LARGE1: variants seen among roughly 807,000 people sequenced by gnomAD.
LARGE1 encodes the protein LARGE xylosyl- and glucuronyltransferase 1, also known as xylosyl- and glucuronyltransferase LARGE1.
In LARGE1, 43 loss-of-function variants were observed where a neutral mutation model predicts 87.6. The ratio of observed to expected loss-of-function variants is 0.49; its 90% CI spans 0.38 to 0.63. The LOEUF (loss-of-function observed/expected upper bound fraction) is 0.63. Ranked by LOEUF, LARGE1 falls within the 30% of genes least tolerant of loss-of-function variation. The pLI, the probability that LARGE1 is intolerant of heterozygous loss-of-function variation, is 0.00. For synonymous variants in LARGE1, 434 were observed against 394.6 expected, an observed-to-expected ratio of 1.10 and a Z score of -1.18; for missense variants, 802 against 1,000.2, an observed-to-expected ratio of 0.80 and a Z score of 2.67.
At chr22:33,693,491 A>G (rs2082157163) in intron 2 of LARGE1, among the ~76,000 whole-genome samples, 2 of 152,230 alleles carry the variant, frequency 1.3e-5, no homozygotes, top group South Asian at 4.1e-4. Flanking sequence ...TATATAATTT[A>G]CCAAATTAAA....
intron 2 of LARGE1, among the ~76,000 whole-genome samples, chr22:33,666,621 A>T (rs1206154230): frequency 6.6e-6 from 1 of 152,202 alleles, no homozygotes; most frequent in South Asian, 2.1e-4. Flanking sequence ...CTCAGCTGCC[A>T]GGCTCAGGTC....
chr22:33,276,445 G>A (rs1028312650), intron 14 of LARGE1, among the ~76,000 whole-genome samples: 12 of 152,208 alleles, frequency 7.9e-5, no homozygotes, highest in African/African-American at 2.9e-4. Context: ...AGACCTGTAG[G>A]TCCCATGAAG....
At chr22:33,495,960 T>C (rs1234193745) in intron 6 of LARGE1, among the ~76,000 whole-genome samples, 1 of 152,086 alleles carries the variant, frequency 6.6e-6, no homozygotes, top group African/African-American at 2.4e-5. Context: ...ACAGAACTAA[T>C]AGGATAGATG....
chr22:33,565,650 T>C (rs4468912), intron 5 of LARGE1, among the ~76,000 whole-genome samples: 35,187 of 74,904 alleles, frequency 0.47, 5,715 homozygotes, highest in African/African-American at 0.66. Context: ...AGTCATCACG[T>C]GACACTCTTC....
chr22:33,110,981 T>C, the LARGE1 span, among the ~76,000 whole-genome samples: 1 of 152,204 alleles, frequency 6.6e-6, no homozygotes, highest in Non-Finnish European at 1.5e-5. Flanking sequence ...AGGAGGCTTA[T>C]ATAAAGATCA....
intron 5 of LARGE1, among the ~76,000 whole-genome samples, chr22:33,601,726 G>A (rs9609843): frequency 0.17 from 26,087 of 152,022 alleles, 2,536 homozygotes; most frequent in African/African-American, 0.27. Flanking sequence ...TGAAGTCTTC[G>A]ATAGTAGACA....
chr22:33,287,954 C>T (rs1440566445), intron 12 of LARGE1, among the ~76,000 whole-genome samples: 3 of 152,192 alleles, frequency 2.0e-5, no homozygotes, highest in Non-Finnish European at 2.9e-5. Flanking sequence ...AAGTCACTTT[C>T]ACTATTTTGA....
intron 1 of LARGE1, among the ~76,000 whole-genome samples, chr22:33,824,109 C>A (rs2062713824): frequency 6.6e-6 from 1 of 152,158 alleles, no homozygotes; most frequent in Non-Finnish European, 1.5e-5. Flanking sequence ...AGGTTGATGC[C>A]ACATGCCCGA....
At chr22:33,399,354 A>T (rs1023731724) in intron 7 of LARGE1, among the ~76,000 whole-genome samples, 1 of 152,152 alleles carries the variant, frequency 6.6e-6, no homozygotes, top group Admixed American at 6.5e-5. Flanking sequence ...CATGGTATAT[A>T]TGTGCCACAT....
intron 2 of LARGE1, among the ~76,000 whole-genome samples, chr22:33,660,434 T>A (rs919402822): frequency 1.3e-5 from 2 of 152,164 alleles, no homozygotes; most frequent in East Asian, 1.9e-4. Flanking sequence ...GAATAGATAT[T>A]CACCGCAAAT....
chr22:33,414,039 T>G (rs528506545), intron 7 of LARGE1, among the ~76,000 whole-genome samples: 1 of 152,310 alleles, frequency 6.6e-6, no homozygotes, highest in East Asian at 1.9e-4. Flanking sequence ...TGATCTCAAT[T>G]CTTTTGGATA....
intron 6 of LARGE1, among the ~76,000 whole-genome samples, chr22:33,533,175 G>A (rs965864117): frequency 3.9e-5 from 6 of 152,122 alleles, no homozygotes; most frequent in Non-Finnish European, 7.3e-5. Context: ...CCAGTCTTCC[G>A]GGAGCTAACA....
chr22:33,318,956 AAT>A (rs1459220230), intron 10 of LARGE1, among the ~76,000 whole-genome samples: 1 of 152,188 alleles, frequency 6.6e-6, no homozygotes, highest in Non-Finnish European at 1.5e-5. Context: ...TCAATAAGAA[AAT>A]ATATTAACTT....
chr22:33,552,234 T>C (rs1602390885), intron 6 of LARGE1, among the ~76,000 whole-genome samples: 1 of 151,976 alleles, frequency 6.6e-6, no homozygotes, highest in South Asian at 2.1e-4. Flanking sequence ...CTTCCTGGAG[T>C]TCTGGATTTA....
rs984468050 is a variant in LARGE1, at chr22:33,220,549, A to G, written c.1731-53717T>C. 4.6e-5 allele frequency among the ~76,000 whole-genome samples: 7 copies of G among 152,208 alleles called. 1 individual carries two copies. ...TACCTCCCTCCTTTTTCATTTGAAGAAAGCTTGTACGTCAGCTTTTCACTT... is the reference window on the plus strand; with the variant it reads ...TACCTCCCTCCTTTTTCATTTGAAGGAAGCTTGTACGTCAGCTTTTCACTT... On this transcript the variant is annotated intron_variant, in intron 11 of 11. Transcript: ENST00000608642.
At chr22:33,141,556 T>C in the LARGE1 span, among the ~76,000 whole-genome samples, 3 of 152,022 alleles carry the variant, frequency 2.0e-5, no homozygotes, top group African/African-American at 7.2e-5. Flanking sequence ...ATTATACTTA[T>C]ATGTATGGAT....
At chr22:33,305,667 C>T (rs907730204) in intron 11 of LARGE1, 2 of 878,072 alleles carry the variant, frequency 2.3e-6, no homozygotes, top group Non-Finnish European at 1.4e-6. Context: ...GTTTCAATGG[C>T]CTTTTTGATG....
chr22:33,753,142 C>A (rs2084383466), intron 2 of LARGE1, among the ~76,000 whole-genome samples: 1 of 152,186 alleles, frequency 6.6e-6, no homozygotes. Flanking sequence ...ATCACTTGAA[C>A]CAGGGAGTCG....
chr22:33,141,196 A>T, the LARGE1 span, among the ~76,000 whole-genome samples: 24,228 of 128,180 alleles, frequency 0.19, 1,925 homozygotes, highest in African/African-American at 0.26. Context: ...TCTCTCTCTC[A>T]CACACACACA....
Sources: allele counts gnomAD v4.1 joint callset (sites outside exome capture counted in the v4.1 genomes callset), GRCh38; gene constraint gnomAD v4.1.1; transcripts MANE v1.5; gene names NCBI Gene and HGNC (gene_info 2026-07-23, HGNC 2026-07-21).